PLEKHA2: variants seen among roughly 807,000 people sequenced by gnomAD.
The protein encoded by PLEKHA2 is pleckstrin homology domain-containing family A member 2.
A neutral mutation model predicts 53.2 loss-of-function variants in PLEKHA2; 28 were observed. That is an observed-to-expected ratio of 0.53 (90% confidence interval 0.39 to 0.72). The LOEUF is 0.72. PLEKHA2 is among the 30% of genes least tolerant of loss of function. The pLI, the probability that PLEKHA2 is intolerant of heterozygous loss-of-function variation, is 0.00. For synonymous variants in PLEKHA2, 193 were observed against 196.4 expected (o/e 0.98, Z 0.14); for missense variants, 426 against 537.9 (o/e 0.79, Z 2.06).
chr8:38,968,298 G>A (rs1309578381), intron 10 of PLEKHA2, among the ~76,000 whole-genome samples: 1 of 152,148 alleles, frequency 6.6e-6, no homozygotes, highest in Non-Finnish European at 1.5e-5. Flanking sequence ...GTTGTTTTCT[G>A]GAGGGGGTGA....
chr8:38,941,330 A>G (rs1358134741), intron 3 of PLEKHA2, among the ~76,000 whole-genome samples: 2 of 152,224 alleles, frequency 1.3e-5, no homozygotes, highest in Non-Finnish European at 2.9e-5. Flanking sequence ...TACTGGGATT[A>G]CAGGCGTGAG....
chr8:38,921,746 G>A (rs1834198634), intron 2 of PLEKHA2, among the ~76,000 whole-genome samples: 1 of 152,222 alleles, frequency 6.6e-6, no homozygotes, highest in Non-Finnish European at 1.5e-5. Context: ...CACTGCTGGG[G>A]ATTCTTTATG....
At chr8:38,968,961 C>T (rs187068208) in intron 11 of PLEKHA2, 11 of 345,022 alleles carry the variant, frequency 3.2e-5, no homozygotes, top group Admixed American at 1.9e-4. Context: ...TGCAGTGGCA[C>T]GATCTCAGCT....
At chr8:38,963,630 T>C (rs1442909205) in intron 10 of PLEKHA2, among the ~76,000 whole-genome samples, 1 of 152,132 alleles carries the variant, frequency 6.6e-6, no homozygotes, top group Non-Finnish European at 1.5e-5. Context: ...TCCCAGCACT[T>C]TGGGAGGCTG....
At chr8:38,965,270 C>A (rs1427517896) in intron 10 of PLEKHA2, among the ~76,000 whole-genome samples, 4 of 152,078 alleles carry the variant, frequency 2.6e-5, no homozygotes. Flanking sequence ...GTGACAGTTC[C>A]TGGAGAAGGA....
chr8:38,919,163 G>A (rs1834135093), intron 2 of PLEKHA2, among the ~76,000 whole-genome samples: 1 of 152,188 alleles, frequency 6.6e-6, no homozygotes, highest in South Asian at 2.1e-4. Flanking sequence ...GTTTCCTCAT[G>A]GTCCAGATGA....
At chr8:38,912,752 T>G (rs1833972464) in intron 1 of PLEKHA2, among the ~76,000 whole-genome samples, 4 of 152,198 alleles carry the variant, frequency 2.6e-5, no homozygotes, top group Admixed American at 2.6e-4. Context: ...GTTCATGTTG[T>G]GTGCAGCATC....
At chr8:38,966,718 G>C (rs1407854832) in intron 10 of PLEKHA2, among the ~76,000 whole-genome samples, 1 of 152,114 alleles carries the variant, frequency 6.6e-6, no homozygotes, top group Non-Finnish European at 1.5e-5. Flanking sequence ...TTCACATACT[G>C]TGAAGCTTGG....
chr8:38,961,670 C>G (rs1327934320), intron 10 of PLEKHA2, among the ~76,000 whole-genome samples: 1 of 152,168 alleles, frequency 6.6e-6, no homozygotes, highest in Non-Finnish European at 1.5e-5. Flanking sequence ...GACCTGCTCC[C>G]CAAGGTTATG....
At chr8:38,918,451 TAC>T (rs1834105892) in intron 2 of PLEKHA2, among the ~76,000 whole-genome samples, 6 of 49,680 alleles carry the variant, frequency 1.2e-4, no homozygotes, top group Admixed American at 2.5e-4. Flanking sequence ...ACACAACCCA[TAC>T]ACCATACACA....
At chr8:38,932,883 G>A (rs1834419386) in intron 2 of PLEKHA2, among the ~76,000 whole-genome samples, 1 of 152,216 alleles carries the variant, frequency 6.6e-6, no homozygotes, top group African/African-American at 2.4e-5. Context: ...GGAGCAGACT[G>A]TGGGTGGGGT....
chr8:38,946,817 G>T lies in PLEKHA2; in HGVS notation c.345+596G>T, dbSNP rs553409140. ...AAAAGAAAGGAAGAAGGGTAGGAAG[G>T]ATGGAGAGGGGAAACTATGTTTTGG... On this transcript the variant is annotated intron_variant, in intron 5 of 11. Coordinates refer to ENST00000617275, the MANE Select transcript of PLEKHA2 (RefSeq NM_021623.2). 3.3e-5 allele frequency among the ~76,000 whole-genome samples: 5 copies of T among 152,346 alleles called. No homozygotes were observed. The East Asian group carries it at 9.6e-4, about 29-fold the overall frequency.
chr8:38,902,274 G>A (rs1228889426), intron 1 of PLEKHA2, among the ~76,000 whole-genome samples: 3 of 151,584 alleles, frequency 2.0e-5, no homozygotes, highest in African/African-American at 7.3e-5. Flanking sequence ...GTCCCTGCAC[G>A]CCCAGAGAGG....
At chr8:38,948,159 G>C (rs1834751644) in intron 5 of PLEKHA2, among the ~76,000 whole-genome samples, 1 of 151,822 alleles carries the variant, frequency 6.6e-6, no homozygotes, top group African/African-American at 2.4e-5. Context: ...GGTCATTTAG[G>C]GGAAATTTCT....
chr8:38,918,135 AC>A, intron 2 of PLEKHA2, 65 bp downstream of exon 2: 1 of 1,558,100 alleles, frequency 6.4e-7, no homozygotes, highest in South Asian at 1.2e-5. Flanking sequence ...AGGAATGCAC[AC>A]AGGGTTAGCC....
Position 38,917,919 on chromosome 8 carries a change from A to C in PLEKHA2, c.-11A>C. On this transcript the variant is annotated 5_prime_UTR_variant, in exon 2 of 12. Coordinates refer to ENST00000617275, the MANE Select transcript of PLEKHA2 (RefSeq NM_021623.2). Reference sequence around the variant, plus strand: ...CTCCTGCGCGCAGGGTGATGTGAGCAGAGCCCAGGAATGCCTTATGTGGAT... The same window carrying C: ...CTCCTGCGCGCAGGGTGATGTGAGCCGAGCCCAGGAATGCCTTATGTGGAT... The C allele has an allele frequency of 6.2e-7, 1 of 1,613,454 alleles. No homozygotes were observed. Among genetic ancestry groups the C allele is most frequent in the Non-Finnish European group, 8.5e-7 (1 of 1,179,522 alleles).
intron 2 of PLEKHA2, among the ~76,000 whole-genome samples, chr8:38,918,493 A>AT (rs1834108523): frequency 2.0e-4 from 1 of 5,110 alleles, no homozygotes; most frequent in African/African-American, 7.6e-4. Flanking sequence ...CCATACACAC[A>AT]ACCCATACAC....
chr8:38,950,241 C>T (rs1834802616), intron 5 of PLEKHA2, among the ~76,000 whole-genome samples: 1 of 151,936 alleles, frequency 6.6e-6, no homozygotes, highest in African/African-American at 2.4e-5. Context: ...ACTATGTTCC[C>T]CAGGCTGGTC....
intron 5 of PLEKHA2, among the ~76,000 whole-genome samples, chr8:38,946,727 G>A (rs1433038947): frequency 6.6e-6 from 1 of 152,172 alleles, no homozygotes; most frequent in Admixed American, 6.5e-5. Flanking sequence ...ACTGTCCTAC[G>A]AGTGTGCTCT....
Sources: allele counts gnomAD v4.1 joint callset (sites outside exome capture counted in the v4.1 genomes callset), GRCh38; gene constraint gnomAD v4.1.1; transcripts MANE v1.5; gene names NCBI Gene and HGNC (gene_info 2026-07-23, HGNC 2026-07-21).